The following C16orf46 variants were observed in gnomAD, a reference collection of about 807,000 sequenced individuals.
C16orf46 encodes the protein chromosome 16 open reading frame 46.
A neutral mutation model predicts 5.5 loss-of-function variants in C16orf46; 7 were observed. That is an observed-to-expected ratio of 1.28 (90% CI 0.73 to 2.40). The LOEUF (loss-of-function observed/expected upper bound fraction) is 2.40, where lower values mean the gene tolerates loss of function less well. Among genes scored for constraint, C16orf46 ranks in the 30% most tolerant of loss-of-function variants. The pLI, the probability that C16orf46 is intolerant of heterozygous loss-of-function variation, is 0.00. For missense variants in C16orf46, 614 were observed against 476.0 expected (o/e 1.29, Z -2.70); for synonymous variants, 200 against 184.1 (o/e 1.09, Z -0.70).
chr16:81,056,404 A>C (rs1299904458), downstream of C16orf46: 2 of 152,152 alleles, frequency 1.3e-5, no homozygotes, highest in East Asian at 3.9e-4. Context: ...TCTCAGAGAA[A>C]AGCAGACTTC....
downstream of C16orf46, among the ~76,000 whole-genome samples, chr16:81,059,499 C>T (rs969342212): frequency 3.3e-5 from 5 of 152,118 alleles, no homozygotes; most frequent in African/African-American, 1.2e-4. Context: ...AATTACAAAG[C>T]AGCTTAATGA....
At position 81,061,312 on chromosome 16, in the gene C16orf46, G is replaced by A. The variant is rs1971460493; in HGVS notation, c.1037C>T (p.Ser346Phe). 5.0e-6 allele frequency: 8 copies of A among 1,614,138 alleles called. No individual in the cohort carries two copies. Among genetic ancestry groups the A allele is most frequent in the Non-Finnish European group, 5.9e-6 (7 of 1,180,038 alleles). ...KSKFKAKEPR[S>F]PVITRKHVLP... The stretch of plus-strand genomic sequence containing the variant: ...AACATGCTTTCGGGTGATCACAGGA[G>A]ATCTTGGCTCCTTGGCTTTGAATTT... The change falls in exon 4 of 4, where the codon TCT becomes TTT. Residue 346 changes from serine (S) to phenylalanine (F), a missense_variant. Coordinates refer to ENST00000299578, the MANE Select transcript of C16orf46 (RefSeq NM_152337.3).
Position 81,061,874 on chromosome 16 carries a change from C to A in C16orf46, c.475G>T (p.Glu159Ter). 1 of 1,614,180 alleles carries A rather than the reference C, an allele frequency of 6.2e-7. No individual in the cohort carries two copies. The highest frequency in any genetic ancestry group is 8.5e-7 in the Non-Finnish European group (1 of 1,180,032). ...DICFPTYFRAEKKSLQIKEFI... is the reference protein window; with the variant it reads ...DICFPTYFRA ...TCCTTGATTTGCAGACTTTTTTTCT[C>A]TGCTCGAAAGTAGGTGGGAAAGCAG... The change falls in exon 4 of 4, where the codon GAG becomes TAG. Residue 159 changes from glutamate (E) to a stop codon, truncating the protein, a stop_gained. Coordinates refer to ENST00000299578, the MANE Select transcript of C16orf46 (RefSeq NM_152337.3). LOFTEE classifies it low-confidence loss of function (END_TRUNC).
chr16:81,064,040 T>C lies in C16orf46; in HGVS notation c.-38-47A>G, dbSNP rs71400138. ...ACTTCGTTTTTAATATTAATTTTTTTTTAAAAAAAGCAATGCAATACTCAG... is the reference window on the plus strand; with the variant it reads ...ACTTCGTTTTTAATATTAATTTTTTCTTAAAAAAAGCAATGCAATACTCAG... On this transcript the variant is annotated intron_variant, in intron 2 of 3. Coordinates refer to ENST00000299578, the MANE Select transcript of C16orf46 (RefSeq NM_152337.3). 7,076 of 1,085,898 alleles carry C rather than the reference T, an allele frequency of 6.5e-3. 92 individuals are homozygous for C. The highest frequency in any genetic ancestry group is 0.048 in the East Asian group (1,887 of 39,604). 67.3% of individuals were successfully genotyped at this position (1,085,898 alleles called of 1,614,324 possible).
rs191960174 is a variant in C16orf46 at position 81,061,130 on chromosome 16, T to C, written c.*31A>G. The C allele has an allele frequency of 2.8e-4, 431 of 1,548,488 alleles. 1 individual carries two copies. The highest frequency in any genetic ancestry group is 6.8e-4 in the Admixed American group (34 of 49,728). ...GAAAGGATGGCTGCATCTCAAACGG[T>C]GCTTATTCCCAGGGGTTCTACCGCA... On this transcript the variant is annotated 3_prime_UTR_variant, in exon 4 of 4. Coordinates refer to ENST00000299578, the MANE Select transcript of C16orf46 (RefSeq NM_152337.3).
At chr16:81,067,040 G>C (rs1343504623) in intron 1 of C16orf46, among the ~76,000 whole-genome samples, 1 of 152,122 alleles carries the variant, frequency 6.6e-6, no homozygotes, top group African/African-American at 2.4e-5. Flanking sequence ...TCTGATCCAA[G>C]CCCCCAAAGT....
At chr16:81,054,201 G>T in intron 3 of C16orf46, 1 of 1,037,100 alleles carries the variant, frequency 9.6e-7, no homozygotes, top group South Asian at 1.4e-5. Context: ...ATTCAACCAT[G>T]AAGACTGCCC....
chr16:81,074,542 G>A (rs762474442), intron 1 of C16orf46, among the ~76,000 whole-genome samples: 2 of 151,838 alleles, frequency 1.3e-5, no homozygotes, highest in Non-Finnish European at 2.9e-5. Context: ...GCGCCATCAC[G>A]CCCAGCTAAT....
chr16:81,055,718 T>C (rs1971275101), intron 3 of C16orf46, among the ~76,000 whole-genome samples: 1 of 152,010 alleles, frequency 6.6e-6, no homozygotes, highest in African/African-American at 2.4e-5. Flanking sequence ...TAGAGAAACT[T>C]CTTTTTTTAT....
chr16:81,063,322 A>G (rs185745513), intron 3 of C16orf46, among the ~76,000 whole-genome samples: 20 of 150,598 alleles, frequency 1.3e-4, no homozygotes, highest in African/African-American at 4.9e-4. Flanking sequence ...TCTCTCAGGG[A>G]GTTCAGCACA....
At chr16:81,058,540 T>C (rs931783030), downstream of C16orf46, among the ~76,000 whole-genome samples, 1 of 152,184 alleles carries the variant, frequency 6.6e-6, no homozygotes, top group South Asian at 2.1e-4. Context: ...AGCACCTTAG[T>C]TGACAAGTTG....
intron 1 of C16orf46, among the ~76,000 whole-genome samples, chr16:81,066,956 C>T (rs1012015264): frequency 3.3e-5 from 5 of 152,112 alleles, no homozygotes; most frequent in Middle Eastern, 3.2e-3. Context: ...AATATGTAGG[C>T]CAGAAGGTAT....
At chr16:81,063,490 T>C (rs772094158) in intron 3 of C16orf46, among the ~76,000 whole-genome samples, 1 of 152,128 alleles carries the variant, frequency 6.6e-6, no homozygotes, top group Non-Finnish European at 1.5e-5. Context: ...ACTTGCCCCA[T>C]ATGGCTATTG....
chr16:81,065,683 C>T (rs1472591017), intron 2 of C16orf46, among the ~76,000 whole-genome samples: 3 of 152,108 alleles, frequency 2.0e-5, no homozygotes, highest in Non-Finnish European at 2.9e-5. Context: ...CCACTCCTTG[C>T]TTTCTCTCAG....
downstream of C16orf46, among the ~76,000 whole-genome samples, chr16:81,059,225 G>C (rs142430768): frequency 0.014 from 2,087 of 147,002 alleles, 54 homozygotes; most frequent in African/African-American, 0.049. Flanking sequence ...GGAGGCTGGG[G>C]CATGAGAATC....
At chr16:81,069,593 A>C (rs1174277251) in intron 1 of C16orf46, among the ~76,000 whole-genome samples, 1 of 152,200 alleles carries the variant, frequency 6.6e-6, no homozygotes, top group East Asian at 1.9e-4. Flanking sequence ...CTCCAGGAGG[A>C]GTAAGAAGCC....
At position 81,062,330 on chromosome 16, in the gene C16orf46, T is replaced by C. The variant is rs149233140; in HGVS notation, c.211-192A>G. On this transcript the variant is annotated intron_variant, in intron 3 of 3. Transcript: ENST00000299578. ...CACTTAAAAAAAAAATCCTTCAAAGTTGCAAAGCATGAAAAAGTGTAATAC... is the reference window on the plus strand; with the variant it reads ...CACTTAAAAAAAAAATCCTTCAAAGCTGCAAAGCATGAAAAAGTGTAATAC... Among the ~76,000 whole-genome samples, 426 of 152,272 alleles carry C rather than the reference T, an allele frequency of 2.8e-3. 3 individuals are homozygous for C. The highest frequency in any genetic ancestry group is 9.8e-3 in the African/African-American group (409 of 41,558).
At chr16:81,055,397 A>G (rs1314009171) in intron 3 of C16orf46, 2 of 152,194 alleles carry the variant, frequency 1.3e-5, no homozygotes, top group African/African-American at 2.4e-5. Flanking sequence ...TCAAGTTTTA[A>G]TAAGTGGTAA....
At chr16:81,064,964 CT>C (rs1449322233) in intron 2 of C16orf46, among the ~76,000 whole-genome samples, 1 of 152,108 alleles carries the variant, frequency 6.6e-6, no homozygotes, top group East Asian at 1.9e-4. Flanking sequence ...CATGACGCCC[CT>C]AGCAAAGTAA....
Sources: allele counts gnomAD v4.1 joint callset (sites outside exome capture counted in the v4.1 genomes callset), GRCh38; gene constraint gnomAD v4.1.1; transcripts MANE v1.5; gene names NCBI Gene and HGNC (gene_info 2026-07-23, HGNC 2026-07-21).